Variants in ADAMTS16 observed in about 807,000 individuals in gnomAD.
ADAMTS16 encodes the protein ADAM metallopeptidase with thrombospondin type 1 motif 16, also known as A disintegrin and metalloproteinase with thrombospondin motifs 16.
ADAMTS16 carries 94 observed loss-of-function variants against 145.8 expected under a neutral mutation model. That is an observed-to-expected ratio of 0.64 (90% CI 0.55 to 0.77). The LOEUF (loss-of-function observed/expected upper bound fraction) is 0.77, where lower values mean the gene tolerates loss of function less well. ADAMTS16 is among the 30% of genes least tolerant of loss of function. The pLI, the probability that ADAMTS16 is intolerant of heterozygous loss-of-function variation, is 0.00. For missense variants in ADAMTS16, 1,585 were observed against 1,591.5 expected (o/e 1.00, Z 0.07); for synonymous variants, 659 against 604.3 (o/e 1.09, Z -1.33).
intron 18 of ADAMTS16, among the ~76,000 whole-genome samples, chr5:5,264,869 G>T (rs981949287): frequency 6.6e-6 from 1 of 152,292 alleles, no homozygotes; most frequent in East Asian, 1.9e-4. Context: ...GTCAGCCAGG[G>T]CCTGTGGAGT....
chr5:5,249,782 C>T (rs546051543), intron 17 of ADAMTS16, among the ~76,000 whole-genome samples: 10 of 152,264 alleles, frequency 6.6e-5, no homozygotes, highest in African/African-American at 2.4e-4. Context: ...CCTCTTGGTA[C>T]CCGAGTTCTT....
intron 18 of ADAMTS16, among the ~76,000 whole-genome samples, chr5:5,267,340 T>A (rs1039879499): frequency 6.6e-6 from 1 of 152,192 alleles, no homozygotes; most frequent in Non-Finnish European, 1.5e-5. Context: ...GGGCTTTCTG[T>A]ATCCTGGGTT....
chr5:5,186,699 A>T (rs1361038513), intron 5 of ADAMTS16, among the ~76,000 whole-genome samples: 3 of 152,210 alleles, frequency 2.0e-5, no homozygotes, highest in Non-Finnish European at 2.9e-5. Context: ...AAAACAGGAA[A>T]AGTGCAACCT....
intron 9 of ADAMTS16, among the ~76,000 whole-genome samples, chr5:5,203,642 G>A (rs1457568533): frequency 6.6e-6 from 1 of 152,110 alleles, no homozygotes; most frequent in Non-Finnish European, 1.5e-5. Context: ...TCCATTAACC[G>A]ACACAGACCT....
chr5:5,156,000 A>G (rs933113058), intron 3 of ADAMTS16, among the ~76,000 whole-genome samples: 4 of 152,206 alleles, frequency 2.6e-5, no homozygotes, highest in Admixed American at 6.5e-5. Flanking sequence ...TGGGACAGAC[A>G]AGAAGTCCAC....
intron 3 of ADAMTS16, among the ~76,000 whole-genome samples, chr5:5,165,879 G>T (rs1265399312): frequency 6.6e-6 from 1 of 152,154 alleles, no homozygotes; most frequent in Non-Finnish European, 1.5e-5. Context: ...TGCGTGCCTG[G>T]CTTTCTCTCA....
intron 17 of ADAMTS16, among the ~76,000 whole-genome samples, chr5:5,261,525 C>T (rs187377381): frequency 6.7e-6 from 1 of 148,954 alleles, no homozygotes; most frequent in East Asian, 2.0e-4. Flanking sequence ...TCTTGCTCTG[C>T]CACCAGGCTG....
intron 3 of ADAMTS16, among the ~76,000 whole-genome samples, chr5:5,173,058 A>G (rs1030350268): frequency 8.0e-5 from 12 of 150,792 alleles, no homozygotes; most frequent in African/African-American, 2.7e-4. Flanking sequence ...TTTTTTTCCC[A>G]TCTGCATGGA....
intron 18 of ADAMTS16, among the ~76,000 whole-genome samples, chr5:5,293,490 C>T (rs1739409440): frequency 1.3e-5 from 2 of 152,264 alleles, no homozygotes; most frequent in South Asian, 2.1e-4. Context: ...CTCCTTTCAG[C>T]ACTGTCAGAA....
intron 8 of ADAMTS16, among the ~76,000 whole-genome samples, chr5:5,194,807 G>T (rs894007235): frequency 2.0e-5 from 3 of 152,142 alleles, no homozygotes; most frequent in Non-Finnish European, 1.5e-5. Flanking sequence ...TCAAATTTTT[G>T]AGTTCTGTAC....
chr5:5,174,195 T>C (rs987369520), intron 3 of ADAMTS16, among the ~76,000 whole-genome samples: 3 of 152,188 alleles, frequency 2.0e-5, no homozygotes, highest in African/African-American at 7.2e-5. Flanking sequence ...CTCCTTCATG[T>C]TTGAGGGATA....
rs754582318 is a variant in ADAMTS16, at chr5:5,318,240, T to G, written c.3518T>G (p.Leu1173Arg). The change falls in exon 22 of 23, where the codon CTG becomes CGG. Residue 1173 changes from leucine to arginine, a missense_variant. Coordinates refer to ENST00000274181, the MANE Select transcript of ADAMTS16 (RefSeq NM_139056.4). ...CTGCACCAGAAGCCTTCGGCCTCCCTGGCCTGCAACACTCACTTCTGCCCC... is the reference window on the plus strand; with the variant it reads ...CTGCACCAGAAGCCTTCGGCCTCCCGGGCCTGCAACACTCACTTCTGCCCC... ...CLLHQKPSASLACNTHFCPIA... is the reference protein window; with the variant it reads ...CLLHQKPSASRACNTHFCPIA... 4.5e-6 allele frequency: 7 copies of G among 1,562,144 alleles called. No homozygotes were observed. The East Asian group carries it at 1.6e-4, about 36-fold the overall frequency.
In ADAMTS16 at chr5:5,146,166, G is replaced by A; in HGVS notation, c.212G>A (p.Arg71Lys). Residue 71 changes from arginine to lysine, a missense_variant, in exon 3 of 23, where the codon AGG becomes AAG. Coordinates refer to ENST00000274181, the MANE Select transcript of ADAMTS16 (RefSeq NM_139056.4). ...DLVSAYEVDHRGDYVSHEIMH... is the reference protein window; with the variant it reads ...DLVSAYEVDHKGDYVSHEIMH... ...GTCTCTGCCTACGAGGTTGACCACAGGGGCGATTACGTGTCCCATGAAATC... is the reference window on the plus strand; with the variant it reads ...GTCTCTGCCTACGAGGTTGACCACAAGGGCGATTACGTGTCCCATGAAATC... The A allele has an allele frequency of 1.9e-6, 3 of 1,614,164 alleles. No homozygotes were observed. The highest frequency in any genetic ancestry group is 2.5e-6 in the Non-Finnish European group (3 of 1,180,028).
At chr5:5,305,043 C>CCA (rs199601093) in intron 20 of ADAMTS16, among the ~76,000 whole-genome samples, 1 of 45,196 alleles carries the variant, frequency 2.2e-5, no homozygotes, top group Admixed American at 2.1e-4. Context: ...CCATCCCACA[C>CCA]CACACACACA....
intron 8 of ADAMTS16, among the ~76,000 whole-genome samples, chr5:5,195,529 A>T (rs1276166748): frequency 6.6e-6 from 1 of 152,232 alleles, no homozygotes; most frequent in Non-Finnish European, 1.5e-5. Flanking sequence ...CTGCAAAAAC[A>T]ATAGAGCACT....
At chr5:5,183,990 C>T (rs1425853257) in intron 4 of ADAMTS16, among the ~76,000 whole-genome samples, 1 of 152,246 alleles carries the variant, frequency 6.6e-6, no homozygotes, top group Non-Finnish European at 1.5e-5. Context: ...TGGTGATTGA[C>T]ATCCTGCTGT....
rs1270813890 is a variant in ADAMTS16, at chr5:5,186,186, A to G, written c.898A>G (p.Lys300Glu). The change falls in exon 5 of 23, where the codon AAA becomes GAA. Residue 300 changes from lysine to glutamate, a missense_variant. Transcript: ENST00000274181. ...LNVETLVVVD[K>E]KMMQNHGHEN... is the part of the protein sequence containing the mutation. ...CGTGGAGACCTTGGTGGTGGTCGACAAAAAGATGATGCAAAACCATGGCCA... is the reference window on the plus strand; with the variant it reads ...CGTGGAGACCTTGGTGGTGGTCGACGAAAAGATGATGCAAAACCATGGCCA... The G allele has an allele frequency of 1.9e-6, 3 of 1,613,544 alleles. No homozygotes were observed. The Admixed American group carries it at 5.0e-5, about 27-fold the overall frequency.
intron 18 of ADAMTS16, among the ~76,000 whole-genome samples, chr5:5,290,042 A>G (rs180975877): frequency 5.3e-5 from 8 of 152,378 alleles, no homozygotes; most frequent in Admixed American, 3.9e-4. Flanking sequence ...GCATGCAAGT[A>G]TCTTTCATTG....
At chr5:5,294,091 C>T (rs763815556) in intron 18 of ADAMTS16, among the ~76,000 whole-genome samples, 12 of 152,176 alleles carry the variant, frequency 7.9e-5, no homozygotes, top group Non-Finnish European at 1.3e-4. Context: ...AATACTTCTT[C>T]TTGGCAGCAG....
Sources: gnomAD v4.1 joint callset for allele counts (sites outside exome capture counted in the v4.1 genomes callset) on GRCh38, gnomAD v4.1.1 for gene constraint, MANE v1.5 for transcripts, NCBI Gene and HGNC (gene_info 2026-07-23, HGNC 2026-07-21) for gene names.